Variants in COL15A1 observed in about 807,000 individuals in gnomAD.
The protein encoded by COL15A1 is collagen alpha-1(XV) chain.
Under a neutral mutation model 165.9 loss-of-function variants are expected in COL15A1, and 111 were observed. The observed-to-expected ratio is 0.67, with a 90% CI of 0.57 to 0.78. The LOEUF is 0.78. Among genes scored for constraint, COL15A1 ranks in the 30% least tolerant of loss-of-function variants. The probability of loss-of-function intolerance (pLI) is 0.00; values close to 1 mark genes in which losing one functional copy is unlikely to be tolerated. For missense variants in COL15A1, 1,745 were observed against 1,789.7 expected, an observed-to-expected ratio of 0.98 and a Z score of 0.45; for synonymous variants, 659 against 674.8, an observed-to-expected ratio of 0.98 and a Z score of 0.36.
At chr9:99,018,547 T>TA (rs1434845728) in intron 11 of COL15A1, among the ~76,000 whole-genome samples, 1 of 152,138 alleles carries the variant, frequency 6.6e-6, no homozygotes, top group African/African-American at 2.4e-5. Flanking sequence ...TGCCGCTTTT[T>TA]AAAAAAAGGC....
At chr9:98,948,972 C>A (rs1347038102) in intron 2 of COL15A1, among the ~76,000 whole-genome samples, 2 of 152,196 alleles carry the variant, frequency 1.3e-5, no homozygotes, top group Non-Finnish European at 2.9e-5. Context: ...CCCAGAAGGT[C>A]TCCTAAACCC....
At chr9:99,009,466 A>G (rs947324806) in intron 9 of COL15A1, among the ~76,000 whole-genome samples, 1 of 152,246 alleles carries the variant, frequency 6.6e-6, no homozygotes, top group Admixed American at 6.5e-5. Context: ...ATTATATCGA[A>G]TAAGCCAAAT....
intron 36 of COL15A1, 119 bp from the exon 37 acceptor site, chr9:99,061,852 G>A: frequency 9.5e-7 from 1 of 1,055,316 alleles, no homozygotes; most frequent in Non-Finnish European, 1.4e-6. Flanking sequence ...ACATTAACAA[G>A]CCTCTTTATT....
chr9:99,065,125 C>T (rs1462148795), intron 39 of COL15A1, among the ~76,000 whole-genome samples: 1 of 152,150 alleles, frequency 6.6e-6, no homozygotes, highest in African/African-American at 2.4e-5. Context: ...AACATGAGAA[C>T]ACAAAAACCC....
intron 2 of COL15A1, among the ~76,000 whole-genome samples, chr9:98,975,968 G>A (rs1294050940): frequency 6.6e-6 from 1 of 152,184 alleles, no homozygotes; most frequent in Admixed American, 6.5e-5. Flanking sequence ...AAGACACGGG[G>A]GGAGAATGAG....
At chr9:99,046,802 A>G (rs557508621) in intron 26 of COL15A1, among the ~76,000 whole-genome samples, 2 of 152,340 alleles carry the variant, frequency 1.3e-5, no homozygotes, top group African/African-American at 4.8e-5. Flanking sequence ...AAGCCAAACC[A>G]TATCAGGAAG....
chr9:99,009,081 T>C (rs1383639965), intron 9 of COL15A1, among the ~76,000 whole-genome samples: 1 of 152,250 alleles, frequency 6.6e-6, no homozygotes, highest in East Asian at 1.9e-4. Context: ...ACATTTCAGC[T>C]CTTCATGGGA....
At chr9:99,029,198 T>C (rs1417549224) in intron 16 of COL15A1, among the ~76,000 whole-genome samples, 1 of 152,248 alleles carries the variant, frequency 6.6e-6, no homozygotes, top group Non-Finnish European at 1.5e-5. Context: ...ATTCATGTTA[T>C]TCTGCAGTCT....
At chr9:98,975,863 T>G (rs1838134566) in intron 2 of COL15A1, among the ~76,000 whole-genome samples, 1 of 152,046 alleles carries the variant, frequency 6.6e-6, no homozygotes, top group South Asian at 2.1e-4. Context: ...GGGGCCCCCG[T>G]GTGTTGGGGT....
rs368573009 is a variant in COL15A1, at chr9:99,040,572, G to A, written c.2511+16G>A. The A allele has an allele frequency of 9.3e-6, 15 of 1,614,058 alleles. No individual in the cohort carries two copies. Among genetic ancestry groups the A allele is most frequent in the East Asian group, 4.5e-5 (2 of 44,906 alleles). ...AGGATTTCCAGTAAGTACCACCCTC[G>A]CTGTCTTCTATCTGTGCCCCGTGGC... On this transcript the variant is annotated intron_variant, in intron 23 of 41. Transcript: ENST00000375001.
At chr9:99,062,622 C>T (rs563753019) in intron 38 of COL15A1, among the ~76,000 whole-genome samples, 2 of 152,232 alleles carry the variant, frequency 1.3e-5, no homozygotes, top group African/African-American at 4.8e-5. Flanking sequence ...TAGAAGATTC[C>T]TTTAATTTTT....
intron 16 of COL15A1, 56 bp from the exon 17 acceptor site, chr9:99,034,493 C>T: frequency 6.7e-7 from 1 of 1,498,472 alleles, no homozygotes; most frequent in Non-Finnish European, 8.9e-7. Context: ...GTCTTCAGAA[C>T]ACACCTCATG....
chr9:99,029,734 G>A (rs1162901747), intron 16 of COL15A1, among the ~76,000 whole-genome samples: 1 of 152,086 alleles, frequency 6.6e-6, no homozygotes, highest in Non-Finnish European at 1.5e-5. Context: ...GACCAGCCTG[G>A]TCAACATGGC....
intron 35 of COL15A1, among the ~76,000 whole-genome samples, chr9:99,057,095 A>T (rs868315424): frequency 6.6e-6 from 1 of 152,112 alleles, no homozygotes; most frequent in Admixed American, 6.5e-5. Flanking sequence ...TGGTAACTCT[A>T]TGTTTAACTT....
chr9:99,061,458 A>AT (rs1825815200), intron 36 of COL15A1, among the ~76,000 whole-genome samples: 1 of 152,234 alleles, frequency 6.6e-6, no homozygotes, highest in South Asian at 2.1e-4. Flanking sequence ...TCTATCATGC[A>AT]TTTAATGTAA....
At chr9:98,993,100 A>G (rs1158604083) in intron 5 of COL15A1, among the ~76,000 whole-genome samples, 1 of 152,130 alleles carries the variant, frequency 6.6e-6, no homozygotes, top group Non-Finnish European at 1.5e-5. Flanking sequence ...CTAGCTCTTG[A>G]CCTTGAGCAA....
At position 99,063,064 on chromosome 9, in the gene COL15A1, G is replaced by T. The variant is rs1256237302; in HGVS notation, c.3606G>T (p.Leu1202=). The part of the protein sequence containing the change: ...PALSSNPHQL[L]PPPNPISSAN... The stretch of plus-strand genomic sequence containing the variant: ...TTTCATAACAGCCACATCAGCTTCT[G>T]CCTCCACCAAACCCTATTTCAAGTG... The change falls in exon 39 of 42, where the codon CTG becomes CTT. Residue 1202 remains leucine, a synonymous_variant. Coordinates refer to ENST00000375001, the MANE Select transcript of COL15A1 (RefSeq NM_001855.5). The T allele has an allele frequency of 7.5e-6, 12 of 1,590,254 alleles. No homozygotes were observed. The highest frequency in any genetic ancestry group is 1.0e-5 in the Non-Finnish European group (12 of 1,172,252).
chr9:98,986,145 G>T, intron 3 of COL15A1, 33 bp downstream of exon 3: 1 of 1,546,438 alleles, frequency 6.5e-7, no homozygotes, highest in South Asian at 1.1e-5. Flanking sequence ...GTAGATCAGG[G>T]AGGTGGATGA....
chr9:98,992,724 A>G lies in COL15A1; in HGVS notation c.804+3466A>G, dbSNP rs1212782348. On this transcript the variant is annotated intron_variant, in intron 5 of 41. Transcript: ENST00000375001. ...CTGCAAGGTAGGTGGCATCAGCCCC[A>G]TTGTGCAGATTCAAAAATGAATGCC... 2.0e-5 allele frequency among the ~76,000 whole-genome samples: 3 copies of G among 152,216 alleles called. No homozygotes were observed. The East Asian group carries it at 5.8e-4, about 29-fold the overall frequency.
Sources: allele counts gnomAD v4.1 joint callset (sites outside exome capture counted in the v4.1 genomes callset), GRCh38; gene constraint gnomAD v4.1.1; transcripts MANE v1.5; gene names NCBI Gene and HGNC (gene_info 2026-07-23, HGNC 2026-07-21).